The following SORCS1 variants were observed in gnomAD, a reference collection of about 807,000 sequenced individuals.
SORCS1 encodes VPS10 domain-containing receptor SorCS1.
SORCS1 carries 60 observed loss-of-function variants against 146.1 expected under a neutral mutation model. The observed-to-expected ratio is 0.41, with a 90% CI of 0.33 to 0.51. The LOEUF is 0.51. Among genes scored for constraint, SORCS1 ranks in the 20% least tolerant of loss-of-function variants. SORCS1 has a pLI of 0.21. For missense variants in SORCS1, 1,352 were observed against 1,487.6 expected, an observed-to-expected ratio of 0.91 and a Z score of 1.50; for synonymous variants, 637 against 584.0, an observed-to-expected ratio of 1.09 and a Z score of -1.31.
At chr10:106,680,497 C>A (rs2135560179) in intron 10 of SORCS1, among the ~76,000 whole-genome samples, 1 of 152,280 alleles carries the variant, frequency 6.6e-6, no homozygotes, top group South Asian at 2.1e-4. Flanking sequence ...TTATCAGAAT[C>A]AGAAATATTC....
chr10:107,079,169 T>G (rs1963128867), intron 1 of SORCS1, among the ~76,000 whole-genome samples: 1 of 149,892 alleles, frequency 6.7e-6, no homozygotes, highest in African/African-American at 2.5e-5. Flanking sequence ...GAGCTTGCAG[T>G]GAGCTGAGAT....
intron 23 of SORCS1, among the ~76,000 whole-genome samples, chr10:106,600,904 A>C (rs184646065): frequency 6.6e-6 from 1 of 152,320 alleles, no homozygotes; most frequent in African/African-American, 2.4e-5. Flanking sequence ...TTATAAGATG[A>C]GAAAATACAG....
At chr10:106,585,699 A>T (rs1166545204) in intron 24 of SORCS1, among the ~76,000 whole-genome samples, 1 of 152,216 alleles carries the variant, frequency 6.6e-6, no homozygotes, top group East Asian at 1.9e-4. Context: ...CTATTATTAT[A>T]ATCTGCATCT....
At chr10:106,622,198 G>A (rs1478500023) in intron 19 of SORCS1, among the ~76,000 whole-genome samples, 4 of 146,360 alleles carry the variant, frequency 2.7e-5, no homozygotes, top group Admixed American at 1.4e-4. Flanking sequence ...GCTGAGGCAG[G>A]AGAATTGCTT....
intron 1 of SORCS1, among the ~76,000 whole-genome samples, chr10:107,018,646 T>C (rs1396034826): frequency 6.6e-6 from 1 of 151,592 alleles, no homozygotes; most frequent in East Asian, 1.9e-4. Flanking sequence ...GCCTCAGCCA[T>C]GAACCTAGCA....
chr10:106,997,540 T>A (rs1263851299), intron 1 of SORCS1, among the ~76,000 whole-genome samples: 1 of 152,154 alleles, frequency 6.6e-6, no homozygotes, highest in Non-Finnish European at 1.5e-5. Context: ...GTTACACTCA[T>A]CCACATAGAA....
At chr10:106,900,396 T>C (rs553931908) in intron 2 of SORCS1, among the ~76,000 whole-genome samples, 27 of 152,130 alleles carry the variant, frequency 1.8e-4, no homozygotes, top group Non-Finnish European at 3.5e-4. Context: ...GCCCTACTGC[T>C]CTCTGTGGCT....
rs553317670 is a variant in SORCS1, at chr10:107,087,853, G to A, written c.558+76116C>T. On this transcript the variant is annotated intron_variant, in intron 1 of 25. Transcript: ENST00000263054. ...CATAGCTCCTGCCTGTTTCCCTTTT[G>A]GTTGCTAGAGTTTCCCAATTGCTGT... 2.0e-5 allele frequency among the ~76,000 whole-genome samples: 3 copies of A among 152,316 alleles called. No homozygotes were observed. The South Asian group carries it at 6.2e-4, about 32-fold the overall frequency.
intron 2 of SORCS1, among the ~76,000 whole-genome samples, chr10:106,951,256 A>G (rs1460839822): frequency 7.2e-5 from 11 of 152,174 alleles, no homozygotes. Flanking sequence ...TAACGCCTGT[A>G]ATCCCAGCAC....
At chr10:106,584,858 T>A (rs2133226416) in intron 24 of SORCS1, among the ~76,000 whole-genome samples, 1 of 152,298 alleles carries the variant, frequency 6.6e-6, no homozygotes, top group Non-Finnish European at 1.5e-5. Flanking sequence ...CAAACATCAG[T>A]AACTCCAAGA....
At chr10:106,694,012 C>A (rs945188759) in intron 9 of SORCS1, among the ~76,000 whole-genome samples, 6 of 152,188 alleles carry the variant, frequency 3.9e-5, no homozygotes, top group Admixed American at 1.3e-4. Flanking sequence ...GATGAAACAA[C>A]GACTGTGGCA....
intron 1 of SORCS1, among the ~76,000 whole-genome samples, chr10:107,034,680 CAAAAAAAAAAAAAAAAAAAAA>C (rs553032484): frequency 1.4e-4 from 2 of 13,800 alleles, no homozygotes; most frequent in East Asian, 5.6e-3. Flanking sequence ...AACTCCATCT[CAAAAAAAAAAAAAAAAAAAAA>C]AAAAAACAAT....
intron 1 of SORCS1, among the ~76,000 whole-genome samples, chr10:106,997,601 T>G (rs1231734311): frequency 2.0e-5 from 3 of 151,766 alleles, no homozygotes; most frequent in Non-Finnish European, 2.9e-5. Flanking sequence ...CCAGACAGAG[T>G]TTCCTTTACT....
intron 24 of SORCS1, among the ~76,000 whole-genome samples, chr10:106,586,219 T>C (rs773448032): frequency 2.0e-5 from 3 of 152,170 alleles, no homozygotes; most frequent in African/African-American, 4.8e-5. Context: ...AGACCATACA[T>C]ATTATTTTCA....
chr10:107,088,967 A>T (rs941746779), intron 1 of SORCS1, among the ~76,000 whole-genome samples: 1 of 134,546 alleles, frequency 7.4e-6, no homozygotes, highest in African/African-American at 4.0e-5. Flanking sequence ...TTCTATTATT[A>T]ATTCTATTAC....
chr10:106,629,548 C>G (rs1848312463), intron 18 of SORCS1, among the ~76,000 whole-genome samples, 160 bp from the exon 19 acceptor site: 1 of 152,234 alleles, frequency 6.6e-6, no homozygotes, highest in South Asian at 2.1e-4. Flanking sequence ...GACAGAATCC[C>G]TGTGACATTC....
At chr10:106,789,260 T>A (rs766602471) in intron 3 of SORCS1, among the ~76,000 whole-genome samples, 1 of 152,354 alleles carries the variant, frequency 6.6e-6, no homozygotes, top group Non-Finnish European at 1.5e-5. Context: ...TTCTCTGACA[T>A]GCCCTGGAGA....
chr10:106,922,702 G>A (rs1055813436), intron 2 of SORCS1, among the ~76,000 whole-genome samples: 3 of 151,712 alleles, frequency 2.0e-5, no homozygotes, highest in Admixed American at 2.0e-4. Context: ...TATTATTATC[G>A]CCCAAATCCG....
intron 2 of SORCS1, among the ~76,000 whole-genome samples, chr10:106,933,804 AC>A (rs1953541811): frequency 6.6e-6 from 1 of 152,194 alleles, no homozygotes; most frequent in African/African-American, 2.4e-5. Flanking sequence ...ACTATGAAAA[AC>A]ATTTTTGGCT....
Sources: gnomAD v4.1 joint callset for allele counts (sites outside exome capture counted in the v4.1 genomes callset) on GRCh38, gnomAD v4.1.1 for gene constraint, MANE v1.5 for transcripts, NCBI Gene and HGNC (gene_info 2026-07-23, HGNC 2026-07-21) for gene names.